RANBP10: variants seen among roughly 807,000 people sequenced by gnomAD.
The protein encoded by RANBP10 is ran-binding protein 10.
In RANBP10, 24 loss-of-function variants were observed where a neutral mutation model predicts 72.8. The observed-to-expected ratio is 0.33, with a 90% CI of 0.24 to 0.46. The LOEUF (loss-of-function observed/expected upper bound fraction) is 0.46, where lower values mean the gene tolerates loss of function less well. Ranked by LOEUF, RANBP10 falls within the 20% of genes least tolerant of loss-of-function variation. RANBP10 has a pLI of 1.00. For missense variants in RANBP10, 679 were observed against 817.5 expected (o/e 0.83, Z 2.07); for synonymous variants, 310 against 322.3 (o/e 0.96, Z 0.41).
chr16:67,769,589 C>CA (rs2054570928), intron 3 of RANBP10, among the ~76,000 whole-genome samples: 1 of 149,852 alleles, frequency 6.7e-6, no homozygotes, highest in Non-Finnish European at 1.5e-5. Flanking sequence ...ATTAAAAATA[C>CA]AAAAAAATGA....
At chr16:67,727,954 C>G (rs1010365677) in intron 11 of RANBP10, 58 bp from the exon 12 acceptor site, 17 of 1,589,778 alleles carry the variant, frequency 1.1e-5, no homozygotes, top group Non-Finnish European at 1.5e-5. Context: ...AAGGGCAGGA[C>G]TAGGGTGGGG....
chr16:67,775,945 A>G (rs553532882), intron 2 of RANBP10, among the ~76,000 whole-genome samples: 1 of 151,978 alleles, frequency 6.6e-6, no homozygotes, highest in African/African-American at 2.4e-5. Flanking sequence ...GGAGATCAAG[A>G]CCATCCTGGC....
chr16:67,805,136 C>T (rs2055329795), intron 2 of RANBP10, among the ~76,000 whole-genome samples: 1 of 152,182 alleles, frequency 6.6e-6, no homozygotes, highest in Admixed American at 6.6e-5. Context: ...GAGGGAAACT[C>T]CATTCTGGAC....
rs2053674072 is a variant in RANBP10 at position 67,729,360 on chromosome 16, G to C, written c.1272C>G (p.Ser424=). The C allele has an allele frequency of 1.2e-6, 2 of 1,612,608 alleles. No homozygotes were observed. Among genetic ancestry groups the C allele is most frequent in the Admixed American group, 3.3e-5 (2 of 59,994 alleles). Residue 424 remains serine (S), a synonymous_variant, in exon 10 of 14, where the codon TCC becomes TCG. Coordinates refer to ENST00000317506, the MANE Select transcript of RANBP10 (RefSeq NM_020850.3). This position sits in a 1 kb window ranked among gnomAD's most constrained non-coding sequence, Gnocchi z 7.1. ...AGTTGGACTCGGAGTAATTGACGGA[G>C]GATGGGGAAGAGGACGAGGAGGAGG... ...SSSSSSSSSP[S]SVNYSESNST...
chr16:67,756,777 T>G (rs1369349531), intron 3 of RANBP10, among the ~76,000 whole-genome samples: 1 of 152,168 alleles, frequency 6.6e-6, no homozygotes, highest in Non-Finnish European at 1.5e-5. Flanking sequence ...GCCAGTCATC[T>G]CTTCCCAACA....
At chr16:67,727,590 G>A (rs2053630914) in intron 12 of RANBP10, 152 bp from the exon 13 acceptor site, 1 of 1,327,920 alleles carries the variant, frequency 7.5e-7, no homozygotes, top group Non-Finnish European at 1.1e-6. Flanking sequence ...CCAGAGCCTA[G>A]GTGTGGAGGG....
chr16:67,728,240 A>G lies in RANBP10; in HGVS notation c.1474+150T>C, dbSNP rs1057505876. On this transcript the variant is annotated intron_variant, in intron 11 of 13. Transcript: ENST00000317506. ...ACATTTGGAGCCACCTCAAGGACCCATTCACAATCGGCTAAGGAGGCTGTG... is the reference window on the plus strand; with the variant it reads ...ACATTTGGAGCCACCTCAAGGACCCGTTCACAATCGGCTAAGGAGGCTGTG... The G allele has an allele frequency of 1.2e-5, 10 of 860,534 alleles. No homozygotes were observed. The African/African-American group carries it at 1.2e-4, about 10-fold the overall frequency. The allele number at this position is 860,534 out of a possible 1,614,324, so 53.3% of individuals were successfully genotyped here.
chr16:67,792,993 T>G (rs1366094839), intron 2 of RANBP10, among the ~76,000 whole-genome samples: 1 of 151,832 alleles, frequency 6.6e-6, no homozygotes, highest in Non-Finnish European at 1.5e-5. Context: ...GGTTCTGAGC[T>G]CCTTCTCTAA....
intron 2 of RANBP10, among the ~76,000 whole-genome samples, chr16:67,786,274 A>G (rs1337576559): frequency 6.6e-6 from 1 of 152,148 alleles, no homozygotes; most frequent in African/African-American, 2.4e-5. Flanking sequence ...GTCTGCAGTG[A>G]GCCAAGATTG....
chr16:67,801,582 C>T (rs2143023180), intron 2 of RANBP10, among the ~76,000 whole-genome samples: 1 of 152,230 alleles, frequency 6.6e-6, no homozygotes. Context: ...GAGGATCAAA[C>T]TAGGTAACAC....
At chr16:67,727,498 C>G in intron 12 of RANBP10, 60 bp from the exon 13 acceptor site, 1 of 1,508,094 alleles carries the variant, frequency 6.6e-7, no homozygotes, top group Non-Finnish European at 9.1e-7. Flanking sequence ...CCCTGCTACC[C>G]GTGGCTCCAG....
Position 67,729,410 on chromosome 16 carries a change from G to A in RANBP10, c.1222C>T (p.Pro408Ser). ...SKQNHSKYPA[P>S]SSSSSSSSSS... The stretch of plus-strand genomic sequence containing the variant: ...GAGGAGGACGAGGATGAGGAGCTGG[G>A]TGCAGGGTATTTACTGTGGTTCTGT... Residue 408 changes from proline to serine, a missense_variant, in exon 10 of 14, where the codon CCC becomes TCC. Coordinates refer to ENST00000317506, the MANE Select transcript of RANBP10 (RefSeq NM_020850.3). This position sits in a 1 kb window ranked among gnomAD's most constrained non-coding sequence, Gnocchi z 7.1. The A allele has an allele frequency of 6.2e-7, 1 of 1,613,880 alleles. No individual in the cohort carries two copies. The highest frequency in any genetic ancestry group is 8.5e-7 in the Non-Finnish European group (1 of 1,180,024).
intron 2 of RANBP10, among the ~76,000 whole-genome samples, chr16:67,799,193 C>T (rs2055187828): frequency 6.6e-6 from 1 of 152,090 alleles, no homozygotes; most frequent in African/African-American, 2.4e-5. Flanking sequence ...GCCTCAGTCT[C>T]CTAAAGTACT....
At chr16:67,794,949 A>C (rs1262437200) in intron 2 of RANBP10, among the ~76,000 whole-genome samples, 11 of 150,656 alleles carry the variant, frequency 7.3e-5, no homozygotes, top group Non-Finnish European at 1.5e-4. Flanking sequence ...AAAAAAACAA[A>C]AAAAAAAAAC....
intron 2 of RANBP10, among the ~76,000 whole-genome samples, chr16:67,793,308 AT>A (rs752769973): frequency 0.046 from 6,099 of 131,486 alleles, 368 homozygotes; most frequent in African/African-American, 0.15. Flanking sequence ...CTGGCTTGTA[AT>A]TTTTTTTTTT....
At chr16:67,728,677 C>T (rs2053659738) in intron 10 of RANBP10, 166 bp from the exon 11 acceptor site, 2 of 1,277,422 alleles carry the variant, frequency 1.6e-6, no homozygotes, top group Non-Finnish European at 2.1e-6. Flanking sequence ...TTGGCCCCTA[C>T]TGTGACACCA....
In RANBP10 at chr16:67,729,391, G is replaced by A. The variant is rs755649685; in HGVS notation, c.1241C>T (p.Ser414Phe). ...GGAAGAGGACGAGGAGGAGGAGGAG[G>A]ACGAGGATGAGGAGCTGGGTGCAGG... is the stretch of plus-strand genomic sequence containing the variant. ...KYPAPSSSSS[S>F]SSSSSSSSPS... The change falls in exon 10 of 14, where the codon TCC (serine) becomes TTC (phenylalanine). Residue 414 changes from serine (S) to phenylalanine (F), a missense_variant. Ser to Phe is a radical substitution (Grantham distance 155). Coordinates refer to ENST00000317506, the MANE Select transcript of RANBP10 (RefSeq NM_020850.3). The surrounding 1 kb of genome is among the most constrained non-coding windows in gnomAD (Gnocchi z 7.1). The A allele has an allele frequency of 4.5e-5, 72 of 1,611,034 alleles. No individual in the cohort carries two copies. The highest frequency in any genetic ancestry group is 6.1e-5 in the Non-Finnish European group (72 of 1,178,276).
intron 3 of RANBP10, among the ~76,000 whole-genome samples, chr16:67,749,261 T>A (rs983672102): frequency 6.6e-6 from 1 of 152,136 alleles, no homozygotes; most frequent in Non-Finnish European, 1.5e-5. Flanking sequence ...ACAGCACCCA[T>A]CCCAAGCCTA....
At chr16:67,758,625 C>T (rs996583409) in intron 3 of RANBP10, among the ~76,000 whole-genome samples, 1 of 152,188 alleles carries the variant, frequency 6.6e-6, no homozygotes, top group Admixed American at 6.5e-5. Context: ...TGGCCTCAGC[C>T]TCACCCAGTA....
Sources: allele counts gnomAD v4.1 joint callset (sites outside exome capture counted in the v4.1 genomes callset), GRCh38; gene constraint gnomAD v4.1.1; non-coding constraint Gnocchi (gnomAD v3.1); transcripts MANE v1.5; gene names NCBI Gene and HGNC (gene_info 2026-07-23, HGNC 2026-07-21).